Variants in GALNTL6 observed in about 807,000 individuals in gnomAD.
GALNTL6 encodes polypeptide N-acetylgalactosaminyltransferase like 6, also known as polypeptide N-acetylgalactosaminyltransferase-like 6.
GALNTL6 carries 46 observed loss-of-function variants against 73.7 expected under a neutral mutation model. The ratio of observed to expected loss-of-function variants is 0.62; its 90% CI spans 0.49 to 0.80. The LOEUF is 0.80. GALNTL6 is among the 30% of genes least tolerant of loss of function. The probability of loss-of-function intolerance (pLI) is 0.00; values close to 1 mark genes in which losing one functional copy is unlikely to be tolerated. For synonymous variants in GALNTL6, 259 were observed against 263.7 expected (o/e 0.98, Z 0.17); for missense variants, 604 against 755.0 (o/e 0.80, Z 2.34).
intron 2 of GALNTL6, among the ~76,000 whole-genome samples, chr4:171,899,861 T>C (rs1447512402): frequency 6.6e-6 from 1 of 152,162 alleles, no homozygotes; most frequent in Admixed American, 6.5e-5. Context: ...CATGTAATTG[T>C]TTCAACAATT....
At chr4:171,921,526 G>T (rs1227859701) in intron 2 of GALNTL6, among the ~76,000 whole-genome samples, 1 of 152,046 alleles carries the variant, frequency 6.6e-6, no homozygotes, top group Non-Finnish European at 1.5e-5. Flanking sequence ...TATGCCATAG[G>T]TGGCATTATC....
rs74602750 is a variant in GALNTL6 at position 172,592,123 on chromosome 4, C to T, written c.554-217238C>T. The stretch of plus-strand genomic sequence containing the variant: ...GAGGTTTATTTAGCTCACAGTTCTG[C>T]GGTCTGAACAAGAAGCATGGTGCCA... On this transcript the variant is annotated intron_variant, in intron 5 of 12. Coordinates refer to ENST00000506823, the MANE Select transcript of GALNTL6 (RefSeq NM_001034845.3). Among the ~76,000 whole-genome samples the T allele has an allele frequency of 7.0e-3, 1,072 of 152,256 alleles. 18 individuals carry two copies. Among genetic ancestry groups the T allele is most frequent in the African/African-American group, 0.025 (1,025 of 41,536 alleles).
chr4:172,058,971 C>T (rs1004713208), intron 2 of GALNTL6, among the ~76,000 whole-genome samples: 1 of 152,164 alleles, frequency 6.6e-6, no homozygotes, highest in African/African-American at 2.4e-5. Context: ...TGTGTACAGA[C>T]ATCCTATTCC....
At chr4:172,345,854 G>A (rs1741721778) in intron 4 of GALNTL6, among the ~76,000 whole-genome samples, 1 of 152,148 alleles carries the variant, frequency 6.6e-6, no homozygotes, top group Non-Finnish European at 1.5e-5. Flanking sequence ...TGATCACTGT[G>A]GGCAACCGAG....
chr4:172,635,521 C>A (rs1365027928), intron 5 of GALNTL6, among the ~76,000 whole-genome samples: 1 of 152,100 alleles, frequency 6.6e-6, no homozygotes, highest in Non-Finnish European at 1.5e-5. Flanking sequence ...TTAACCACAC[C>A]CTTTCAAATT....
intron 8 of GALNTL6, among the ~76,000 whole-genome samples, chr4:172,918,207 G>C (rs1747624677): frequency 6.6e-6 from 1 of 152,096 alleles, no homozygotes; most frequent in African/African-American, 2.4e-5. Context: ...CTTGGACACA[G>C]AGTGGGGAAC....
At chr4:171,895,384 TA>T (rs1400252436) in intron 2 of GALNTL6, among the ~76,000 whole-genome samples, 2 of 151,894 alleles carry the variant, frequency 1.3e-5, no homozygotes, top group South Asian at 2.1e-4. Context: ...TTTTCTGGAG[TA>T]GGGGGAGGGG....
At position 171,830,028 on chromosome 4, in the gene GALNTL6, T is replaced by C. The variant is rs79223252; in HGVS notation, c.138+15310T>C. Among the ~76,000 whole-genome samples the C allele has an allele frequency of 7.8e-3, 1,183 of 151,882 alleles. 20 individuals are homozygous for C. Among genetic ancestry groups the C allele is most frequent in the African/African-American group, 0.027 (1,123 of 41,396 alleles). Reference sequence around the variant, plus strand: ...AAAAGACACAGACAGAATATGTAGATGAGATATGAAGACAGAGGCAGAGAT... The same window carrying C: ...AAAAGACACAGACAGAATATGTAGACGAGATATGAAGACAGAGGCAGAGAT... On this transcript the variant is annotated intron_variant, in intron 2 of 12. Transcript: ENST00000506823.
chr4:172,058,606 T>G (rs1271131745), intron 2 of GALNTL6, among the ~76,000 whole-genome samples: 1 of 152,158 alleles, frequency 6.6e-6, no homozygotes, highest in Non-Finnish European at 1.5e-5. Flanking sequence ...TTATTCTAGC[T>G]TTTTCTATTC....
chr4:173,020,623 A>C (rs963739709), intron 11 of GALNTL6, among the ~76,000 whole-genome samples: 1 of 152,188 alleles, frequency 6.6e-6, no homozygotes, highest in African/African-American at 2.4e-5. Flanking sequence ...TCACTTCATC[A>C]AGCTTAGCTT....
intron 2 of GALNTL6, among the ~76,000 whole-genome samples, chr4:172,032,259 G>A (rs936426055): frequency 5.9e-5 from 9 of 152,014 alleles, no homozygotes; most frequent in East Asian, 1.9e-4. Context: ...TAAAACACAA[G>A]CTTCTCATTT....
intron 3 of GALNTL6, among the ~76,000 whole-genome samples, chr4:172,306,751 AT>A (rs1740154978): frequency 6.6e-6 from 1 of 152,214 alleles, no homozygotes; most frequent in Non-Finnish European, 1.5e-5. Flanking sequence ...ACTTAAAATG[AT>A]GGTCTACAGC....
chr4:172,103,496 C>A (rs148285565), intron 2 of GALNTL6, among the ~76,000 whole-genome samples: 1 of 152,126 alleles, frequency 6.6e-6, no homozygotes, highest in Admixed American at 6.6e-5. Flanking sequence ...TCACTCCTTG[C>A]CTATTCTCCA....
chr4:172,574,014 A>G (rs896534763), intron 5 of GALNTL6, among the ~76,000 whole-genome samples: 2 of 152,128 alleles, frequency 1.3e-5, no homozygotes, highest in African/African-American at 4.8e-5. Flanking sequence ...TCTTATAGTC[A>G]CTGTGCAGAA....
intron 2 of GALNTL6, among the ~76,000 whole-genome samples, chr4:171,920,589 T>C (rs1737757070): frequency 1.3e-5 from 2 of 152,128 alleles, no homozygotes. Flanking sequence ...GTACATCATA[T>C]GATGAACATC....
intron 2 of GALNTL6, among the ~76,000 whole-genome samples, chr4:172,204,245 A>G (rs977183840): frequency 6.6e-6 from 1 of 152,238 alleles, no homozygotes; most frequent in African/African-American, 2.4e-5. Context: ...ATACATTTAT[A>G]TATGATAGTC....
chr4:172,981,156 A>T (rs1751047191), intron 10 of GALNTL6, among the ~76,000 whole-genome samples: 1 of 152,240 alleles, frequency 6.6e-6, no homozygotes, highest in Non-Finnish European at 1.5e-5. Context: ...GCTGCTGTGT[A>T]CATAGGCATA....
intron 5 of GALNTL6, among the ~76,000 whole-genome samples, chr4:172,679,932 C>CT (rs10709350): frequency 1.1e-4 from 17 of 150,542 alleles, no homozygotes; most frequent in Admixed American, 6.0e-4. Flanking sequence ...CCTATGATTA[C>CT]TTTTTTTTTT....
chr4:172,093,958 C>A (rs1416651394), intron 2 of GALNTL6, among the ~76,000 whole-genome samples: 3 of 152,102 alleles, frequency 2.0e-5, no homozygotes, highest in South Asian at 4.1e-4. Flanking sequence ...AAATAAAGTG[C>A]ACAATAAATA....
Sources: allele counts gnomAD v4.1 joint callset (sites outside exome capture counted in the v4.1 genomes callset), GRCh38; gene constraint gnomAD v4.1.1; transcripts MANE v1.5; gene names NCBI Gene and HGNC (gene_info 2026-07-23, HGNC 2026-07-21).